Variants in PKHD1L1 observed in about 807,000 individuals in gnomAD.
The protein encoded by PKHD1L1 is PKHD1 like 1, also known as fibrocystin-L.
In PKHD1L1, 434 loss-of-function variants were observed where a neutral mutation model predicts 462.9. The observed-to-expected ratio is 0.94, with a 90% CI of 0.87 to 1.02. The LOEUF (loss-of-function observed/expected upper bound fraction) is 1.02, where lower values mean the gene tolerates loss of function less well. Ranked by LOEUF, PKHD1L1 falls within the 50% of genes least tolerant of loss-of-function variation. PKHD1L1 has a pLI of 0.00. For synonymous variants in PKHD1L1, 1,781 were observed against 1,750.0 expected, an observed-to-expected ratio of 1.02 and a Z score of -0.44; for missense variants, 5,202 against 5,096.1, an observed-to-expected ratio of 1.02 and a Z score of -0.63.
rs1276792935 is a variant in PKHD1L1 at position 109,364,582 on chromosome 8, A to T, written c.109A>T (p.Ile37Leu). 1 of 1,604,954 alleles carries T rather than the reference A, an allele frequency of 6.2e-7. No homozygotes were observed. Among genetic ancestry groups the T allele is most frequent in the Admixed American group, 1.7e-5 (1 of 59,774 alleles). The change falls in exon 2 of 78, where the codon ATA (isoleucine) becomes TTA (leucine). Residue 37 changes from isoleucine to leucine, a missense_variant. Transcript: ENST00000378402. ...AATAATCCCCAAAGTCACAGAAATA[A>T]TACCTAAATATGGCAGTATAAATGG... is the stretch of plus-strand genomic sequence containing the variant. ...SQIIPKVTEI[I>L]PKYGSINGAT...
Position 109,438,563 on chromosome 8 carries a change from A to G in PKHD1L1, c.3760+107A>G. ...TCTGTAGTTTTGTTTCTTAAAGTGA[A>G]ACCAGTTATAGTGTTATGTGTGTGT... On this transcript the variant is annotated intron_variant, in intron 31 of 77. Transcript: ENST00000378402. 2.9e-6 allele frequency: 3 copies of G among 1,035,870 alleles called. No individual in the cohort carries two copies. In the East Asian group the frequency reaches 8.2e-5, roughly 28 times the overall value. 64.2% of individuals were successfully genotyped at this position (1,035,870 alleles called of 1,614,324 possible).
In PKHD1L1 at chr8:109,406,658, A is replaced by G. The variant is rs942116761; in HGVS notation, c.1813+180A>G. The stretch of plus-strand genomic sequence containing the variant: ...GTATTTCAAGGAATGTACAACTCTA[A>G]TGCATGAGAAATGCACTATACATAC... On this transcript the variant is annotated intron_variant, in intron 17 of 77. Transcript: ENST00000378402. 2.0e-5 allele frequency among the ~76,000 whole-genome samples: 3 copies of G among 152,210 alleles called. No individual in the cohort carries two copies. In the South Asian group the frequency reaches 6.2e-4, roughly 31 times the overall value.
chr8:109,456,017 G>A (rs754479901), intron 45 of PKHD1L1, among the ~76,000 whole-genome samples: 26 of 152,146 alleles, frequency 1.7e-4, no homozygotes, highest in South Asian at 1.2e-3. Flanking sequence ...TATAAATAGG[G>A]TATATCATTG....
At chr8:109,426,926 T>C (rs886558106) in intron 24 of PKHD1L1, 76 bp from the exon 25 acceptor site, 18 of 839,434 alleles carry the variant, frequency 2.1e-5, no homozygotes, top group Non-Finnish European at 3.4e-5. Context: ...GTGCTAAGAT[T>C]ACAGGCGTGA....
At chr8:109,371,571 T>G (rs1209675385) in intron 2 of PKHD1L1, among the ~76,000 whole-genome samples, 1 of 147,886 alleles carries the variant, frequency 6.8e-6, no homozygotes, top group Non-Finnish European at 1.5e-5. Flanking sequence ...AGACATGAAG[T>G]CCTTGCCCAT....
intron 9 of PKHD1L1, among the ~76,000 whole-genome samples, chr8:109,392,145 A>G (rs1164166556): frequency 1.3e-5 from 2 of 152,214 alleles, no homozygotes; most frequent in East Asian, 1.9e-4. Flanking sequence ...CCATGTTAGG[A>G]ACAATAATTA....
intron 18 of PKHD1L1, among the ~76,000 whole-genome samples, chr8:109,408,863 C>T (rs925152877): frequency 3.3e-5 from 5 of 152,020 alleles, no homozygotes; most frequent in Non-Finnish European, 4.4e-5. Flanking sequence ...TTCCATTTGG[C>T]GTGATAGGTT....
chr8:109,389,357 G>A (rs28491535), intron 8 of PKHD1L1, among the ~76,000 whole-genome samples: 37,903 of 151,920 alleles, frequency 0.25, 5,415 homozygotes, highest in African/African-American at 0.39. Flanking sequence ...TTATATATAA[G>A]GTAAACTTCC....
chr8:109,508,115 C>T lies in PKHD1L1; in HGVS notation c.11246C>T (p.Thr3749Ile). 6.2e-7 allele frequency: 1 copy of T among 1,605,790 alleles called. No homozygotes were observed. Among genetic ancestry groups the T allele is most frequent in the Non-Finnish European group, 8.5e-7 (1 of 1,177,162 alleles). ...TTTCTAGGAATTATTAGAGATTCAA[C>T]CTGTAAGTACCTTCCAGAGTGGCAG... is the stretch of plus-strand genomic sequence containing the variant. ...APHKGIIRDS[T>I]CKYLPEWQSY... The change falls in exon 70 of 78, where the codon ACC (threonine) becomes ATC (isoleucine). Residue 3749 changes from threonine to isoleucine, a missense_variant. Coordinates refer to ENST00000378402, the MANE Select transcript of PKHD1L1 (RefSeq NM_177531.6).
chr8:109,409,404 A>T (rs949521449), intron 18 of PKHD1L1, among the ~76,000 whole-genome samples: 2 of 151,982 alleles, frequency 1.3e-5, no homozygotes, highest in African/African-American at 4.8e-5. Flanking sequence ...CGCTTGCCAC[A>T]TGCCCAGCTA....
rs148758922 is a variant in PKHD1L1 at position 109,426,079 on chromosome 8, A to T, written c.2845+847A>T. Among the ~76,000 whole-genome samples, 827 of 152,222 alleles carry T rather than the reference A, an allele frequency of 5.4e-3. 4 individuals are homozygous for T. The highest frequency in any genetic ancestry group is 0.02 in the Middle Eastern group (6 of 294). On this transcript the variant is annotated intron_variant, in intron 24 of 77. Coordinates refer to ENST00000378402, the MANE Select transcript of PKHD1L1 (RefSeq NM_177531.6). ...TAATTTACATAATTGAGAGTATGTCAGTAATATGAAGCTAAACTATTCAGG... is the reference window on the plus strand; with the variant it reads ...TAATTTACATAATTGAGAGTATGTCTGTAATATGAAGCTAAACTATTCAGG...
chr8:109,405,600 C>T (rs184988491), intron 16 of PKHD1L1, among the ~76,000 whole-genome samples: 1 of 151,858 alleles, frequency 6.6e-6, no homozygotes, highest in East Asian at 1.9e-4. Flanking sequence ...GAAAACCAAA[C>T]ACTGCATGTT....
Position 109,497,011 on chromosome 8 carries a change from T to G in PKHD1L1, c.10420T>G (p.Ser3474Ala). 6.2e-7 allele frequency: 1 copy of G among 1,613,696 alleles called. No homozygotes were observed. The highest frequency in any genetic ancestry group is 8.5e-7 in the Non-Finnish European group (1 of 1,179,614). ...GAACCAAGATGGCCTTCCTGGATGT[T>G]CTCTTATACAAGGATTTACCATTTG... The part of the protein sequence containing the change: ...YMNQDGLPGC[S>A]LIQGFTIWTC... Residue 3474 changes from serine to alanine, a missense_variant, in exon 64 of 78, where the codon TCT (serine) becomes GCT (alanine). Physicochemically the swap from Ser to Ala is moderately conservative, Grantham distance 99 (BLOSUM62 1). Coordinates refer to ENST00000378402, the MANE Select transcript of PKHD1L1 (RefSeq NM_177531.6).
At chr8:109,378,563 G>C (rs867607420) in intron 2 of PKHD1L1, among the ~76,000 whole-genome samples, 1 of 152,170 alleles carries the variant, frequency 6.6e-6, no homozygotes, top group Non-Finnish European at 1.5e-5. Context: ...TTCCATGACT[G>C]TCTATAATAC....
chr8:109,461,907 A>G lies in PKHD1L1; in HGVS notation c.7382A>G (p.Glu2461Gly). Residue 2461 changes from glutamate (E) to glycine (G), a missense_variant and splice_region_variant, in exon 48 of 78, where the codon GAG becomes GGG. This residue lies in a region of PKHD1L1 where 4,497 missense variants were observed against 4,336.8 expected (regional missense o/e 1.04). Coordinates refer to ENST00000378402, the MANE Select transcript of PKHD1L1 (RefSeq NM_177531.6). Reference protein sequence around the residue: ...NMVTGRIEYVEVFHAGQAFRL... With the variant: ...NMVTGRIEYVGVFHAGQAFRL... Reference sequence around the variant, plus strand: ...GTAACTGGGAGAATAGAATATGTAGAGGTGAGAGGCATTATTACTAAATCA... The same window carrying G: ...GTAACTGGGAGAATAGAATATGTAGGGGTGAGAGGCATTATTACTAAATCA... The G allele has an allele frequency of 1.9e-6, 3 of 1,597,136 alleles. No individual in the cohort carries two copies. The highest frequency in any genetic ancestry group is 1.7e-6 in the Non-Finnish European group (2 of 1,171,034).
chr8:109,465,282 G>T, intron 49 of PKHD1L1, 37 bp downstream of exon 49: 1 of 1,577,348 alleles, frequency 6.3e-7, no homozygotes, highest in East Asian at 2.3e-5. Context: ...AAAATCCATT[G>T]GAAATATGTT....
chr8:109,508,409 G>T (rs550909900), intron 70 of PKHD1L1, 145 bp downstream of exon 70: 3 of 786,292 alleles, frequency 3.8e-6, no homozygotes, highest in Admixed American at 6.0e-5. Flanking sequence ...TGAGCAATGC[G>T]CAGGGGAGAG....
rs1430145563 is a variant in PKHD1L1 at position 109,518,512 on chromosome 8, T to A, written c.12031+4T>A. ...TTCATAAGCAATGGCACCACAGGTA[T>A]GAATAACAGGTGTTTGAGATGGAGG... On this transcript the variant is annotated splice_donor_region_variant and intron_variant, in intron 73 of 77. Transcript: ENST00000378402. 1 of 1,586,300 alleles carries A rather than the reference T, an allele frequency of 6.3e-7. No individual in the cohort carries two copies. Among genetic ancestry groups the A allele is most frequent in the Non-Finnish European group, 8.6e-7 (1 of 1,169,466 alleles).
rs372222942 is a variant in PKHD1L1 at position 109,372,081 on chromosome 8, A to G, written c.163+7445A>G. On this transcript the variant is annotated intron_variant, in intron 2 of 77. Transcript: ENST00000378402. ...TTGATGGGGATGGCATTGAATCTAT[A>G]AATTACCTTGGGCAGTATGGCCGTT... is the stretch of plus-strand genomic sequence containing the variant. Among the ~76,000 whole-genome samples the G allele has an allele frequency of 1.1e-3, 163 of 152,268 alleles. 3 individuals carry two copies. In the South Asian group the frequency reaches 0.033, roughly 30 times the overall value.
Sources: allele counts gnomAD v4.1 joint callset (sites outside exome capture counted in the v4.1 genomes callset), GRCh38; gene constraint gnomAD v4.1.1; regional missense constraint gnomAD v4.1.1; transcripts MANE v1.5; gene names NCBI Gene and HGNC (gene_info 2026-07-23, HGNC 2026-07-21).